Variants in RERE observed in about 807,000 individuals in gnomAD.
RERE encodes the protein arginine-glutamic acid dipeptide repeats protein.
In RERE, 40 loss-of-function variants were observed where a neutral mutation model predicts 146.1. The observed-to-expected ratio is 0.27, with a 90% CI of 0.21 to 0.36. RERE has a LOEUF of 0.36. RERE is among the 10% of genes least tolerant of loss of function. The pLI, the probability that RERE is intolerant of heterozygous loss-of-function variation, is 1.00. For synonymous variants in RERE, 1,003 were observed against 866.0 expected (o/e 1.16, Z -2.78); for missense variants, 1,933 against 2,138.7 (o/e 0.90, Z 1.90).
chr1:8,627,222 T>C (rs899722378), intron 2 of RERE, among the ~76,000 whole-genome samples: 6 of 152,180 alleles, frequency 3.9e-5, no homozygotes, highest in African/African-American at 1.4e-4. Context: ...TATTTGGCAG[T>C]AAGGTGGTCT....
intron 1 of RERE, among the ~76,000 whole-genome samples, chr1:8,731,931 C>A (rs1314500151): frequency 6.6e-6 from 1 of 152,078 alleles, no homozygotes; most frequent in African/African-American, 2.4e-5. Flanking sequence ...GCCTCCCCAG[C>A]AGCTGGGACT....
rs1207971215 is a variant in RERE at position 8,501,033 on chromosome 1, G to A, written c.880-3504C>T. Among the ~76,000 whole-genome samples, 133 of 118,136 alleles carry A rather than the reference G, an allele frequency of 1.1e-3. 10 individuals carry two copies. Among genetic ancestry groups the A allele is most frequent in the Non-Finnish European group, 1.0e-3 (58 of 57,512 alleles). The allele number at this position is 118,136 out of a possible 152,430, so 77.5% of individuals were successfully genotyped here. A position where few individuals can be genotyped will look rare whatever the true frequency, so the allele number is the denominator to read the frequency against. On this transcript the variant is annotated intron_variant, in intron 8 of 22. Transcript: ENST00000400908. Reference sequence around the variant, plus strand: ...GCCCGGCAGCCACCCCGTCCGGGAGGGGGGGGGGGGGTCAGCCCCCCGCCC... The same window carrying A: ...GCCCGGCAGCCACCCCGTCCGGGAGAGGGGGGGGGGGTCAGCCCCCCGCCC...
intron 8 of RERE, among the ~76,000 whole-genome samples, chr1:8,498,703 A>T (rs11121190): frequency 0.041 from 5,570 of 135,082 alleles, 377 homozygotes; most frequent in African/African-American, 0.16. Context: ...CTCAAAAAAA[A>T]AAAAAATAAA....
intron 2 of RERE, among the ~76,000 whole-genome samples, chr1:8,637,530 C>T (rs1049295866): frequency 3.3e-5 from 5 of 152,154 alleles, no homozygotes; most frequent in African/African-American, 1.2e-4. Flanking sequence ...ATCATACTAT[C>T]CTAAATTCTC....
intron 3 of RERE, among the ~76,000 whole-genome samples, chr1:8,623,903 AG>A (rs1485171709): frequency 1.3e-5 from 2 of 152,184 alleles, no homozygotes; most frequent in African/African-American, 4.8e-5. Flanking sequence ...GAAATATTGA[AG>A]GAAGTGACAG....
Position 8,803,201 on chromosome 1 carries a change from G to A in RERE, c.-145+13959C>T, listed in dbSNP as rs149901032. Among the ~76,000 whole-genome samples, 480 of 152,290 alleles carry A rather than the reference G, an allele frequency of 3.2e-3. 4 individuals carry two copies. The highest frequency in any genetic ancestry group is 5.7e-3 in the Non-Finnish European group (386 of 68,022). On this transcript the variant is annotated intron_variant, in intron 1 of 22. Coordinates refer to ENST00000400908, the MANE Select transcript of RERE (RefSeq NM_001042681.2). ...TGAAAAGAAGTCACTGTTCGGCCAG[G>A]TGCAATGACTTAACGCCTGTAATCC...
Position 8,352,691 on chromosome 1 carries a change from G to C in RERE, c.*2396C>G. 1 of 152,420 alleles carries C rather than the reference G, an allele frequency of 6.6e-6. No individual in the cohort carries two copies. Among genetic ancestry groups the C allele is most frequent in the East Asian group, 1.9e-4 (1 of 5,182 alleles). 9.4% of individuals were successfully genotyped at this position (152,420 alleles called of 1,614,324 possible). The stretch of plus-strand genomic sequence containing the variant: ...CCAAACCAAACCCCGAACAAAGGGA[G>C]GAAAATCCGAAGGAAACCGAGTGGT... On this transcript the variant is annotated 3_prime_UTR_variant, in exon 23 of 23. Transcript: ENST00000400908.
chr1:8,808,965 G>C (rs1641740803), intron 1 of RERE, among the ~76,000 whole-genome samples: 1 of 151,876 alleles, frequency 6.6e-6, no homozygotes, highest in Admixed American at 6.6e-5. Context: ...GTGAAACCCT[G>C]TCTCCACTAA....
intron 7 of RERE, chr1:8,519,799 G>A (rs1645467429): frequency 6.6e-6 from 1 of 152,064 alleles, no homozygotes; most frequent in South Asian, 2.1e-4. Flanking sequence ...TAGACTGGAA[G>A]TACATGCGGG....
At chr1:8,470,139 T>C (rs372725139) in intron 10 of RERE, among the ~76,000 whole-genome samples, 5 of 152,254 alleles carry the variant, frequency 3.3e-5, no homozygotes, top group African/African-American at 1.2e-4. Flanking sequence ...CTCAAAAAAA[T>C]AGTCCCTATT....
chr1:8,520,062 A>G (rs1645470905), intron 7 of RERE, among the ~76,000 whole-genome samples: 1 of 152,234 alleles, frequency 6.6e-6, no homozygotes. Context: ...TTCAATCAAA[A>G]ATAAAACTAA....
chr1:8,406,641 T>A (rs971890601), intron 12 of RERE, among the ~76,000 whole-genome samples: 9 of 152,212 alleles, frequency 5.9e-5, no homozygotes, highest in African/African-American at 1.7e-4. Flanking sequence ...AATGGTTTTT[T>A]AAAAAATTAT....
At chr1:8,756,581 T>G (rs1640642782) in intron 1 of RERE, among the ~76,000 whole-genome samples, 1 of 152,216 alleles carries the variant, frequency 6.6e-6, no homozygotes, top group Admixed American at 6.5e-5. Flanking sequence ...TTATTAAAAT[T>G]AATGCATCAA....
Position 8,566,990 on chromosome 1 carries a change from C to T in RERE, c.523-9467G>A, listed in dbSNP as rs547467681. Among the ~76,000 whole-genome samples the T allele has an allele frequency of 7.9e-5, 12 of 152,206 alleles. 1 individual carries two copies. Among genetic ancestry groups the T allele is most frequent in the South Asian group, 6.2e-4 (3 of 4,814 alleles). On this transcript the variant is annotated intron_variant, in intron 4 of 22. Transcript: ENST00000400908. Reference sequence around the variant, plus strand: ...ATTTTTAGTAGAAATGGGGTTTCATCGTGTTAGCCAGGATGGTCTTGATCT... The same window carrying T: ...ATTTTTAGTAGAAATGGGGTTTCATTGTGTTAGCCAGGATGGTCTTGATCT...
At chr1:8,784,089 G>A (rs1641217641) in intron 1 of RERE, among the ~76,000 whole-genome samples, 1 of 152,146 alleles carries the variant, frequency 6.6e-6, no homozygotes, top group Admixed American at 6.5e-5. Context: ...GCAGCCCCAG[G>A]AAACTGACAC....
At chr1:8,410,043 G>A (rs572856967) in intron 12 of RERE, among the ~76,000 whole-genome samples, 1 of 144,788 alleles carries the variant, frequency 6.9e-6, no homozygotes, top group South Asian at 2.2e-4. Context: ...GGAAATGAGA[G>A]CTGGGATAAA....
intron 12 of RERE, among the ~76,000 whole-genome samples, chr1:8,369,367 TAAC>T (rs1341844364): frequency 6.6e-6 from 1 of 151,882 alleles, no homozygotes; most frequent in East Asian, 1.9e-4. Context: ...GAAAGAAATC[TAAC>T]ATTGAAATCA....
chr1:8,373,455 G>A (rs958207375), intron 12 of RERE, among the ~76,000 whole-genome samples: 1 of 152,052 alleles, frequency 6.6e-6, no homozygotes, highest in Admixed American at 6.6e-5. Context: ...TTTAAGGTAT[G>A]TTTTTTCAGG....
intron 1 of RERE, among the ~76,000 whole-genome samples, chr1:8,658,027 T>A (rs1191687880): frequency 6.6e-6 from 1 of 152,148 alleles, no homozygotes; most frequent in Non-Finnish European, 1.5e-5. Flanking sequence ...TTTTTAAGCG[T>A]CTGCAATGGG....
Sources: gnomAD v4.1 joint callset for allele counts (sites outside exome capture counted in the v4.1 genomes callset) on GRCh38, gnomAD v4.1.1 for gene constraint, MANE v1.5 for transcripts, NCBI Gene and HGNC (gene_info 2026-07-23, HGNC 2026-07-21) for gene names.